The following COL4A1 variants were observed in gnomAD, a reference collection of about 807,000 sequenced individuals.
COL4A1 encodes the protein collagen alpha-1(IV) chain.
A neutral mutation model predicts 216.6 loss-of-function variants in COL4A1; 40 were observed. The observed-to-expected ratio is 0.18, with a 90% CI of 0.14 to 0.24. The LOEUF (loss-of-function observed/expected upper bound fraction) is 0.24. Ranked by LOEUF, COL4A1 falls within the 10% of genes least tolerant of loss-of-function variation. The pLI is 1.00. For missense variants in COL4A1, 1,628 were observed against 2,196.8 expected (o/e 0.74, Z 5.18); for synonymous variants, 839 against 810.7 (o/e 1.03, Z -0.59).
At chr13:110,170,436 G>T in intron 42 of COL4A1, 111 bp downstream of exon 42, 2 of 1,176,768 alleles carry the variant, frequency 1.7e-6, no homozygotes, top group South Asian at 1.3e-5. Flanking sequence ...AAATGCTGCA[G>T]ACTTCTAAAT....
Position 110,209,403 on chromosome 13 carries a change from G to A in COL4A1, c.640C>T (p.Pro214Ser). ...AAAAGAACTTTTACCTTTTCACCTG[G>A]AGGGCCGGGAGGGCCTGGGGGACCC... ...PPGPPGPPGP[P>S]GEKGQMGLSF... Residue 214 changes from proline (P) to serine (S), a missense_variant, in exon 11 of 52, where the codon CCA (proline) becomes TCA (serine). Physicochemically the swap from Pro to Ser is moderately conservative, Grantham distance 74 (BLOSUM62 -1). Transcript: ENST00000375820. The A allele has an allele frequency of 6.2e-7, 1 of 1,611,742 alleles. No individual in the cohort carries two copies. Among genetic ancestry groups the A allele is most frequent in the Non-Finnish European group, 8.5e-7 (1 of 1,178,438 alleles).
At chr13:110,257,739 G>A (rs1173668830) in intron 1 of COL4A1, among the ~76,000 whole-genome samples, 1 of 152,144 alleles carries the variant, frequency 6.6e-6, no homozygotes, top group Non-Finnish European at 1.5e-5. Flanking sequence ...CATGAAAAAA[G>A]AGAATACATA....
In COL4A1 at chr13:110,192,967, G is replaced by A. The variant is rs685884; in HGVS notation, c.1382-54C>T. 1,109,383 of 1,520,384 alleles carry A rather than the reference G, an allele frequency of 0.73. 406,547 individuals carry two copies. Among genetic ancestry groups the A allele is most frequent in the East Asian group, 0.94 (41,816 of 44,436 alleles). The allele number at this position is 1,520,384 out of a possible 1,614,324, so 94.2% of individuals were successfully genotyped here. A position where few individuals can be genotyped will look rare whatever the true frequency, so the allele number is the denominator to read the frequency against. On this transcript the variant is annotated intron_variant, in intron 22 of 51. Transcript: ENST00000375820. ...GTGTAACATGTGACCAGAAGTCTCC[G>A]CAGTGCACTGAGAGAACAGAAAAAG... is the stretch of plus-strand genomic sequence containing the variant.
In COL4A1 at chr13:110,178,166, T is replaced by A; in HGVS notation, c.2524A>T (p.Lys842Ter). 6.2e-7 allele frequency: 1 copy of A among 1,614,164 alleles called. No individual in the cohort carries two copies. Among genetic ancestry groups the A allele is most frequent in the Non-Finnish European group, 8.5e-7 (1 of 1,180,024 alleles). Residue 842 changes from lysine (K) to a stop codon, truncating the protein, a stop_gained, in exon 32 of 52, where the codon AAA becomes TAA. Transcript: ENST00000375820. LOFTEE classifies it high-confidence loss of function. ...AGTCCTTGAGCCCCTTTATCTCCTT[T>A]AGGGCCCGGCATGTCCAGTCCAGGG... is the stretch of plus-strand genomic sequence containing the variant. ...GFPGLDMPGP[K>*]GDKGAQGLPG...
chr13:110,176,365 A>G, intron 36 of COL4A1, 59 bp downstream of exon 36: 1 of 1,137,360 alleles, frequency 8.8e-7, no homozygotes, highest in Non-Finnish European at 1.3e-6. Flanking sequence ...TTCTGCAGAC[A>G]TGCCCTACCA....
Position 110,186,558 on chromosome 13 carries a change from T to C in COL4A1, c.1729-5A>G. ...TCCTTTCAATCCTACAGAACCCTGA[T>C]GTGAGAAGAAGAAAAAGACACCGTT... On this transcript the variant is annotated splice_region_variant and splice_polypyrimidine_tract_variant and intron_variant, in intron 25 of 51. Transcript: ENST00000375820. 2 of 1,613,932 alleles carry C rather than the reference T, an allele frequency of 1.2e-6. No homozygotes were observed. Among genetic ancestry groups the C allele is most frequent in the Non-Finnish European group, 1.7e-6 (2 of 1,180,002 alleles).
intron 2 of COL4A1, among the ~76,000 whole-genome samples, chr13:110,239,633 A>G (rs547863773): frequency 1.3e-5 from 2 of 152,334 alleles, no homozygotes; most frequent in East Asian, 3.9e-4. Context: ...TTTGTATTCC[A>G]TTATTCCAAC....
rs573910479 is a variant in COL4A1 at position 110,201,832 on chromosome 13, A to G, written c.1000-310T>C. 1,402 of 474,010 alleles carry G rather than the reference A, an allele frequency of 3.0e-3. 24 individuals are homozygous for G. The highest frequency in any genetic ancestry group is 0.021 in the South Asian group (1,342 of 62,708). 29.4% of individuals were successfully genotyped at this position (474,010 alleles called of 1,614,324 possible). A position where few individuals can be genotyped will look rare whatever the true frequency, so the allele number is the denominator to read the frequency against. On this transcript the variant is annotated intron_variant, in intron 18 of 51. Transcript: ENST00000375820. ...CCCCGACTCTACTAAAAATACAAAA[A>G]TTAGTCGGGCGTGGTGGCATATGCC...
At chr13:110,296,014 T>G (rs768020878) in intron 1 of COL4A1, among the ~76,000 whole-genome samples, 6 of 152,216 alleles carry the variant, frequency 3.9e-5, no homozygotes, top group Non-Finnish European at 7.3e-5. Flanking sequence ...CCTGCGCCTC[T>G]CCCACTTGAT....
chr13:110,175,425 C>T, intron 36 of COL4A1, 68 bp from the exon 37 acceptor site: 1 of 1,598,368 alleles, frequency 6.3e-7, no homozygotes, highest in African/African-American at 1.3e-5. Flanking sequence ...TGAAAAAGTG[C>T]CTCCACAGCC....
At chr13:110,213,230 A>G (rs1326814780) in intron 4 of COL4A1, among the ~76,000 whole-genome samples, 1 of 151,890 alleles carries the variant, frequency 6.6e-6, no homozygotes, top group Admixed American at 6.6e-5. Context: ...GAACTTATAC[A>G]TGCAACCAAA....
chr13:110,174,957 G>A (rs1216464269), intron 37 of COL4A1, among the ~76,000 whole-genome samples: 2 of 152,168 alleles, frequency 1.3e-5, no homozygotes, highest in African/African-American at 4.8e-5. Context: ...GTTTCTACCT[G>A]CCATTCCTCT....
intron 1 of COL4A1, among the ~76,000 whole-genome samples, chr13:110,287,300 G>C (rs12870961): frequency 1.3e-5 from 2 of 152,074 alleles, no homozygotes; most frequent in African/African-American, 4.8e-5. Flanking sequence ...ACAGCCTGCC[G>C]TCCCCACCCT....
chr13:110,161,146 T>C, intron 49 of COL4A1, 46 bp downstream of exon 49: 3 of 1,591,692 alleles, frequency 1.9e-6, no homozygotes, highest in Non-Finnish European at 2.6e-6. Flanking sequence ...GACTAGAGAC[T>C]TTTCCTCTTC....
Position 110,195,034 on chromosome 13 carries a change from A to G in COL4A1, c.1370T>C (p.Ile457Thr), listed in dbSNP as rs1345826171. ...TCAAAATTTCTTACCTTTCTCTCCA[A>G]TTTCGCCTATAAATCCTGGCTGCCC... The part of the protein sequence containing the change: ...IPGQPGFIGE[I>T]GEKGQKGESC... Residue 457 changes from isoleucine to threonine, a missense_variant, in exon 22 of 52, where the codon ATT (isoleucine) becomes ACT (threonine). Physicochemically the swap from Ile to Thr is moderately conservative, Grantham distance 89. This residue lies in a region of COL4A1 where 701 missense variants were observed against 892.5 expected (regional missense o/e 0.79). Coordinates refer to ENST00000375820, the MANE Select transcript of COL4A1 (RefSeq NM_001845.6). 1 of 1,613,914 alleles carries G rather than the reference A, an allele frequency of 6.2e-7. No individual in the cohort carries two copies. Among genetic ancestry groups the G allele is most frequent in the Non-Finnish European group, 8.5e-7 (1 of 1,179,890 alleles).
chr13:110,241,593 G>A (rs1881570361), intron 2 of COL4A1, among the ~76,000 whole-genome samples: 1 of 152,160 alleles, frequency 6.6e-6, no homozygotes, highest in Admixed American at 6.5e-5. Context: ...AGAGAGCAGA[G>A]CATGAAGATA....
At chr13:110,235,424 G>A (rs1206944506) in intron 2 of COL4A1, among the ~76,000 whole-genome samples, 1 of 152,208 alleles carries the variant, frequency 6.6e-6, no homozygotes, top group Non-Finnish European at 1.5e-5. Flanking sequence ...GCTGAGGCGG[G>A]CGGATCACAA....
intron 36 of COL4A1, among the ~76,000 whole-genome samples, chr13:110,175,962 C>T (rs2139161758): frequency 6.6e-6 from 1 of 152,366 alleles, no homozygotes; most frequent in South Asian, 2.1e-4. Context: ...CCGCACTCTC[C>T]TCCTCTTCCC....
At chr13:110,262,132 C>T (rs1321387628) in intron 1 of COL4A1, among the ~76,000 whole-genome samples, 1 of 152,172 alleles carries the variant, frequency 6.6e-6, no homozygotes, top group Admixed American at 6.5e-5. Context: ...TTTGAGTACC[C>T]CGTGTGCAGT....
Sources: gnomAD v4.1 joint callset for allele counts (sites outside exome capture counted in the v4.1 genomes callset) on GRCh38, gnomAD v4.1.1 for gene constraint, gnomAD v4.1.1 regional missense constraint, MANE v1.5 for transcripts, NCBI Gene and HGNC (gene_info 2026-07-23, HGNC 2026-07-21) for gene names.